PMFBP1: variants seen among roughly 807,000 people sequenced by gnomAD.
PMFBP1 encodes polyamine modulated factor 1 binding protein 1.
Under a neutral mutation model 137.8 loss-of-function variants are expected in PMFBP1, and 131 were observed. That is an observed-to-expected ratio of 0.95 (90% CI 0.82 to 1.10). The LOEUF (loss-of-function observed/expected upper bound fraction) is 1.10, where lower values mean the gene tolerates loss of function less well. Among genes scored for constraint, PMFBP1 ranks in the 50% least tolerant of loss-of-function variants. The probability of loss-of-function intolerance (pLI) is 0.00; values close to 1 mark genes in which losing one functional copy is unlikely to be tolerated. For missense variants in PMFBP1, 1,199 were observed against 1,175.4 expected (o/e 1.02, Z -0.29); for synonymous variants, 490 against 450.4 (o/e 1.09, Z -1.11).
At position 72,140,593 on chromosome 16, in the gene PMFBP1, T is replaced by TA. The variant is rs1316602131; in HGVS notation, c.637-12dup. 6.2e-7 allele frequency: 1 copy of TA among 1,607,502 alleles called. No homozygotes were observed. The highest frequency in any genetic ancestry group is 8.5e-7 in the Non-Finnish European group (1 of 1,175,478). The stretch of plus-strand genomic sequence containing the variant: ...CTTGTTCTCAGGCTCCTGAGAGATT[T>TA]AAAAATAATGGGTTGATTTTGCTTA... On this transcript the variant is annotated splice_polypyrimidine_tract_variant and intron_variant, in intron 5 of 20. Transcript: ENST00000237353.
intron 5 of PMFBP1, among the ~76,000 whole-genome samples, chr16:72,141,547 G>A (rs1325480741): frequency 2.0e-5 from 3 of 152,108 alleles, no homozygotes; most frequent in African/African-American, 7.2e-5. Context: ...TATAAATTAT[G>A]TTGGCTTTTT....
rs778962226 is a variant in PMFBP1, at chr16:72,124,809, C to T, written c.2547G>A (p.Glu849=). ...KEEQLREFQE[E]MAALKENLLE... ...GGAGGTTCTCTTTTAAGGCGGCCAT[C>T]TCCTCCTGGAACTCCCTGAGCTGCT... The change falls in exon 17 of 21, where the codon GAG becomes GAA. Residue 849 remains glutamate (E), a synonymous_variant. Transcript: ENST00000237353. 1.9e-6 allele frequency: 3 copies of T among 1,614,070 alleles called. No individual in the cohort carries two copies. The highest frequency in any genetic ancestry group is 1.3e-5 in the African/African-American group (1 of 74,946).
In PMFBP1 at chr16:72,144,818, C is replaced by A. The variant is rs142201436; in HGVS notation, c.637-4236G>T. Among the ~76,000 whole-genome samples, 503 of 152,220 alleles carry A rather than the reference C, an allele frequency of 3.3e-3. 15 individuals carry two copies. The East Asian group carries it at 0.051, about 15-fold the overall frequency. On this transcript the variant is annotated intron_variant, in intron 5 of 20. Transcript: ENST00000237353. ...CATAATGGTAAAGGGATCAATGCAA[C>A]AAGAAGAGCTAACTATCCTAAATAT...
intron 5 of PMFBP1, among the ~76,000 whole-genome samples, chr16:72,143,707 C>T (rs1004454802): frequency 2.0e-5 from 3 of 150,652 alleles, no homozygotes; most frequent in East Asian, 2.0e-4. Context: ...TGCCTCACTG[C>T]ACTCTAGACT....
chr16:72,219,397 G>A, the PMFBP1 span, among the ~76,000 whole-genome samples: 1 of 152,122 alleles, frequency 6.6e-6, no homozygotes, highest in Non-Finnish European at 1.5e-5. Flanking sequence ...GAAGCAGGAC[G>A]GCAGGGATGG....
chr16:72,170,725 C>A (rs763172556), intron 2 of PMFBP1, among the ~76,000 whole-genome samples: 3 of 152,184 alleles, frequency 2.0e-5, no homozygotes, highest in African/African-American at 7.2e-5. Flanking sequence ...AGTCACTGCG[C>A]CTGGCCCCAT....
the PMFBP1 span, among the ~76,000 whole-genome samples, chr16:72,234,213 T>C: frequency 6.6e-6 from 1 of 152,184 alleles, no homozygotes; most frequent in Non-Finnish European, 1.5e-5. Flanking sequence ...ATGAAGGTTC[T>C]CTTAACCAGC....
the PMFBP1 span, among the ~76,000 whole-genome samples, chr16:72,244,402 G>A: frequency 6.6e-6 from 1 of 152,144 alleles, no homozygotes; most frequent in African/African-American, 2.4e-5. Context: ...AAAGAATATA[G>A]ATGCAAATAT....
intron 4 of PMFBP1, among the ~76,000 whole-genome samples, chr16:72,153,518 T>C (rs1176548175): frequency 1.3e-5 from 2 of 152,102 alleles, no homozygotes; most frequent in African/African-American, 2.4e-5. Context: ...TTAGAACCCA[T>C]GGTTTACTGC....
chr16:72,132,664 C>T, intron 10 of PMFBP1, 84 bp downstream of exon 10: 1 of 1,581,608 alleles, frequency 6.3e-7, no homozygotes, highest in Non-Finnish European at 8.6e-7. Context: ...GGGAAGTGGC[C>T]ACTGGGAGAG....
At chr16:72,226,993 TA>T in the PMFBP1 span, among the ~76,000 whole-genome samples, 1 of 151,892 alleles carries the variant, frequency 6.6e-6, no homozygotes, top group South Asian at 2.1e-4. Context: ...TGAGACCTAA[TA>T]AAAAACCCAC....
upstream of PMFBP1, among the ~76,000 whole-genome samples, chr16:72,180,471 T>C (rs1184811950): frequency 6.6e-6 from 1 of 152,180 alleles, no homozygotes; most frequent in Non-Finnish European, 1.5e-5. Context: ...AGTGGAGCTA[T>C]CGACCACATT....
chr16:72,204,995 C>A, the PMFBP1 span, among the ~76,000 whole-genome samples: 1 of 152,232 alleles, frequency 6.6e-6, no homozygotes, highest in African/African-American at 2.4e-5. Context: ...CAAATCACAT[C>A]CTAGCCTGGT....
upstream of PMFBP1, among the ~76,000 whole-genome samples, chr16:72,178,175 G>C (rs1322180412): frequency 1.3e-5 from 2 of 152,132 alleles, no homozygotes; most frequent in Admixed American, 1.3e-4. Flanking sequence ...GTTTCTCTGT[G>C]CTGAGATTGA....
the PMFBP1 span, among the ~76,000 whole-genome samples, chr16:72,237,951 T>C: frequency 1.1e-4 from 17 of 152,320 alleles, no homozygotes; most frequent in African/African-American, 3.8e-4. Flanking sequence ...TCTAGCTCCA[T>C]CCATGCTCCT....
intron 4 of PMFBP1, among the ~76,000 whole-genome samples, chr16:72,153,957 C>T (rs1199171897): frequency 7.3e-6 from 1 of 137,656 alleles, no homozygotes; most frequent in South Asian, 2.4e-4. Flanking sequence ...CACACACACA[C>T]ACACATGCCT....
At position 72,139,321 on chromosome 16, in the gene PMFBP1, T is replaced by G; in HGVS notation, c.886A>C (p.Ser296Arg). 1 of 1,613,988 alleles carries G rather than the reference T, an allele frequency of 6.2e-7. No homozygotes were observed. Among genetic ancestry groups the G allele is most frequent in the Non-Finnish European group, 8.5e-7 (1 of 1,179,872 alleles). ...SCTATHRYPPSSSEECEDIKK... is the reference protein window; with the variant it reads ...SCTATHRYPPRSSEECEDIKK... Reference sequence around the variant, plus strand: ...ATGTCTTCACACTCTTCTGAGGAGCTAGGAGGGTATCTGTGGGTGGCTGTA... The same window carrying G: ...ATGTCTTCACACTCTTCTGAGGAGCGAGGAGGGTATCTGTGGGTGGCTGTA... Residue 296 changes from serine to arginine, a missense_variant, in exon 7 of 21, where the codon AGC becomes CGC. Coordinates refer to ENST00000237353, the MANE Select transcript of PMFBP1 (RefSeq NM_031293.3).
At chr16:72,146,467 G>C (rs1214581984) in intron 5 of PMFBP1, among the ~76,000 whole-genome samples, 1 of 152,120 alleles carries the variant, frequency 6.6e-6, no homozygotes, top group Non-Finnish European at 1.5e-5. Flanking sequence ...CCCAGCACAA[G>C]ACAAGGATGC....
the PMFBP1 span, among the ~76,000 whole-genome samples, chr16:72,241,966 C>T: frequency 1.3e-5 from 2 of 152,100 alleles, no homozygotes; most frequent in African/African-American, 2.4e-5. Context: ...ATTATGTATG[C>T]CTTGATCGAC....
Sources: gnomAD v4.1 joint callset for allele counts (sites outside exome capture counted in the v4.1 genomes callset) on GRCh38, gnomAD v4.1.1 for gene constraint, MANE v1.5 for transcripts, NCBI Gene and HGNC (gene_info 2026-07-23, HGNC 2026-07-21) for gene names.